ACOX2: variants seen among roughly 807,000 people sequenced by gnomAD.
ACOX2 encodes the protein peroxisomal acyl-coenzyme A oxidase 2.
In ACOX2, 59 loss-of-function variants were observed where a neutral mutation model predicts 77.5. That is an observed-to-expected ratio of 0.76 (90% CI 0.62 to 0.95). ACOX2 has a LOEUF of 0.95. Among genes scored for constraint, ACOX2 ranks in the 40% least tolerant of loss-of-function variants. ACOX2 has a pLI of 0.00. For synonymous variants in ACOX2, 317 were observed against 340.1 expected (o/e 0.93, Z 0.75); for missense variants, 837 against 880.4 (o/e 0.95, Z 0.62).
In ACOX2 at chr3:58,517,194, T is replaced by C; in HGVS notation, c.1850+12A>G. On this transcript the variant is annotated intron_variant, in intron 13 of 14. Coordinates refer to ENST00000302819, the MANE Select transcript of ACOX2 (RefSeq NM_003500.4). ...CTGAAGACTAACATGGTTTGAAGTC[T>C]CTGCCACTCACCGGATCAGGCGGAG... 1 of 1,612,864 alleles carries C rather than the reference T, an allele frequency of 6.2e-7. No homozygotes were observed. Among genetic ancestry groups the C allele is most frequent in the Non-Finnish European group, 8.5e-7 (1 of 1,179,530 alleles).
chr3:58,506,913 G>T (rs186726783), intron 14 of ACOX2, among the ~76,000 whole-genome samples: 11 of 152,252 alleles, frequency 7.2e-5, no homozygotes, highest in East Asian at 1.9e-4. Flanking sequence ...TAAGAGTAGG[G>T]TTAAAAAATT....
chr3:58,520,848 G>A (rs1486802472), intron 12 of ACOX2, among the ~76,000 whole-genome samples: 1 of 152,172 alleles, frequency 6.6e-6, no homozygotes, highest in Non-Finnish European at 1.5e-5. Flanking sequence ...GCTCACCTCA[G>A]TCACTCATCA....
At position 58,524,959 on chromosome 3, in the gene ACOX2, G is replaced by A. The variant is rs1387341161; in HGVS notation, c.1347-354C>T. Among the ~76,000 whole-genome samples, 5 of 152,178 alleles carry A rather than the reference G, an allele frequency of 3.3e-5. No individual in the cohort carries two copies. The highest frequency in any genetic ancestry group is 3.3e-4 in the Admixed American group (5 of 15,280). ...GGGTGGAAATTAAATTTTCTTAGCTGAAAAAAGAAGGATAGAGGCAAGAAT... is the reference window on the plus strand; with the variant it reads ...GGGTGGAAATTAAATTTTCTTAGCTAAAAAAAGAAGGATAGAGGCAAGAAT... On this transcript the variant is annotated intron_variant, in intron 10 of 14. Coordinates refer to ENST00000302819, the MANE Select transcript of ACOX2 (RefSeq NM_003500.4). This position sits in a 1 kb window ranked among gnomAD's most constrained non-coding sequence, Gnocchi z 5.5.
chr3:58,535,166 GTCTGCTC>G lies in ACOX2; in HGVS notation c.-67_-61del, dbSNP rs2063472785. On this transcript the variant is annotated 5_prime_UTR_variant, in exon 2 of 15. An upstream open reading frame in the 5' UTR loses its in-frame stop. Transcript: ENST00000302819. The surrounding 1 kb of genome is among the most constrained non-coding windows in gnomAD (Gnocchi z 4.8). ...CACTTCCAACCCGGCTGCTCCGAGG[GTCTGCTC>G]TCAGCATTGGTCAGTGCAAAGAACC... 1.9e-6 allele frequency: 3 copies of G among 1,606,342 alleles called. No individual in the cohort carries two copies. The highest frequency in any genetic ancestry group is 2.6e-6 in the Non-Finnish European group (3 of 1,173,708).
chr3:58,506,844 A>G (rs1447669614), intron 14 of ACOX2, among the ~76,000 whole-genome samples: 1 of 152,218 alleles, frequency 6.6e-6, no homozygotes, highest in Non-Finnish European at 1.5e-5. Context: ...GCCTTTTTCT[A>G]TTAGTGCAAA....
chr3:58,517,864 C>T (rs1368799633), intron 12 of ACOX2, among the ~76,000 whole-genome samples: 1 of 151,938 alleles, frequency 6.6e-6, no homozygotes, highest in Non-Finnish European at 1.5e-5. Flanking sequence ...CACCTGAGGT[C>T]AGGAGTTTGA....
In ACOX2 at chr3:58,522,397, A is replaced by G. The variant is rs575211946; in HGVS notation, c.1632+99T>C. 8.5e-5 allele frequency: 98 copies of G among 1,152,036 alleles called. 1 individual carries two copies. In the African/African-American group the frequency reaches 1.4e-3, roughly 17 times the overall value. 71.4% of individuals were successfully genotyped at this position (1,152,036 alleles called of 1,614,324 possible). On this transcript the variant is annotated intron_variant, in intron 12 of 14. Coordinates refer to ENST00000302819, the MANE Select transcript of ACOX2 (RefSeq NM_003500.4). The surrounding 1 kb of genome is among the most constrained non-coding windows in gnomAD (Gnocchi z 4.3). ...AAATGAGGGCAGCCGCCACTGAAGC[A>G]GAGTTGGGGAATAATGGCAGAGCCC...
At position 58,522,400 on chromosome 3, in the gene ACOX2, GT is replaced by G; in HGVS notation, c.1632+95del. On this transcript the variant is annotated intron_variant, in intron 12 of 14. Coordinates refer to ENST00000302819, the MANE Select transcript of ACOX2 (RefSeq NM_003500.4). The surrounding 1 kb of genome is among the most constrained non-coding windows in gnomAD (Gnocchi z 4.3). ...TGAGGGCAGCCGCCACTGAAGCAGA[GT>G]TGGGGAATAATGGCAGAGCCCGGAT... 8.3e-7 allele frequency: 1 copy of G among 1,206,274 alleles called. No homozygotes were observed. Among genetic ancestry groups the G allele is most frequent in the Middle Eastern group, 2.7e-4 (1 of 3,754 alleles). The allele number at this position is 1,206,274 out of a possible 1,614,324, so 74.7% of individuals were successfully genotyped here. A position where few individuals can be genotyped will look rare whatever the true frequency, so the allele number is the denominator to read the frequency against.
At position 58,534,070 on chromosome 3, in the gene ACOX2, C is replaced by G. The variant is rs775644671; in HGVS notation, c.399G>C (p.Glu133Asp). 1.2e-6 allele frequency: 2 copies of G among 1,614,190 alleles called. No individual in the cohort carries two copies. The highest frequency in any genetic ancestry group is 2.2e-5 in the South Asian group (2 of 91,078). ...VRALRSLGSE[E>D]QIAKWDPLCK... ...AGAGTGGGTCCCATTTGGCAATCTG[C>G]TCCTCTGAGCCCAGGCTCCTGAGGG... Residue 133 changes from glutamate to aspartate, a missense_variant, in exon 4 of 15, where the codon GAG (glutamate) becomes GAC (aspartate). Coordinates refer to ENST00000302819, the MANE Select transcript of ACOX2 (RefSeq NM_003500.4). This position sits in a 1 kb window ranked among gnomAD's most constrained non-coding sequence, Gnocchi z 4.8.
rs752030551 is a variant in ACOX2 at position 58,534,964 on chromosome 3, G to T, written c.143C>A (p.Ala48Glu). ...CCCCTTACCAACTTTCCTGCGGAGT[G>T]CAGTGTTCTGGGCACCTCCATCAAG... ...NILDGGAQNTALRRKVESIIH... is the reference protein window; with the variant it reads ...NILDGGAQNTELRRKVESIIH... The change falls in exon 2 of 15, where the codon GCA (alanine) becomes GAA (glutamate). Residue 48 changes from alanine (A) to glutamate (E), a missense_variant. Physicochemically the swap from Ala to Glu is moderately radical, Grantham distance 107 (BLOSUM62 -1). Transcript: ENST00000302819. The surrounding 1 kb of genome is among the most constrained non-coding windows in gnomAD (Gnocchi z 4.8). 3.3e-5 allele frequency: 54 copies of T among 1,614,106 alleles called. No homozygotes were observed. The Admixed American group carries it at 9.0e-4, about 27-fold the overall frequency.
Position 58,534,319 on chromosome 3 carries a change from G to C in ACOX2, c.323+41C>G. ...GCTAGGGGGTTTCCAGGTGATCCCA[G>C]GTAGATCCCTCTCTAGTGGGGCTGC... On this transcript the variant is annotated intron_variant, in intron 3 of 14. Coordinates refer to ENST00000302819, the MANE Select transcript of ACOX2 (RefSeq NM_003500.4). The surrounding 1 kb of genome is among the most constrained non-coding windows in gnomAD (Gnocchi z 4.8). 1 of 1,610,594 alleles carries C rather than the reference G, an allele frequency of 6.2e-7. No individual in the cohort carries two copies. The highest frequency in any genetic ancestry group is 8.5e-7 in the Non-Finnish European group (1 of 1,177,956).
At chr3:58,511,372 G>T in intron 13 of ACOX2, 1 of 330,860 alleles carries the variant, frequency 3.0e-6, no homozygotes, top group South Asian at 3.0e-5. Context: ...TACTCTGGAC[G>T]CAAAGCCATT....
In ACOX2 at chr3:58,535,690, T is replaced by C. The variant is rs907126536; in HGVS notation, c.-91-493A>G. Reference sequence around the variant, plus strand: ...TTCTAGGATCACTCAGCTCCATTTCTATGAGCCCTGCAGGTATATTGTGGA... The same window carrying C: ...TTCTAGGATCACTCAGCTCCATTTCCATGAGCCCTGCAGGTATATTGTGGA... On this transcript the variant is annotated intron_variant, in intron 1 of 14. Coordinates refer to ENST00000302819, the MANE Select transcript of ACOX2 (RefSeq NM_003500.4). This position sits in a 1 kb window ranked among gnomAD's most constrained non-coding sequence, Gnocchi z 4.8. Among the ~76,000 whole-genome samples the C allele has an allele frequency of 6.6e-6, 1 of 152,132 alleles. No homozygotes were observed. Among genetic ancestry groups the C allele is most frequent in the Non-Finnish European group, 1.5e-5 (1 of 68,010 alleles).
At position 58,531,375 on chromosome 3, in the gene ACOX2, A is replaced by T; in HGVS notation, c.704-9T>A. 1.2e-6 allele frequency: 2 copies of T among 1,610,764 alleles called. No individual in the cohort carries two copies. The highest frequency in any genetic ancestry group is 1.1e-5 in the South Asian group (1 of 90,982). ...GTCCCCAATGATGATTCCTTGAAGG[A>T]GATGGAGATGAGGACACCTATCAGT... On this transcript the variant is annotated splice_polypyrimidine_tract_variant and intron_variant, in intron 6 of 14. Coordinates refer to ENST00000302819, the MANE Select transcript of ACOX2 (RefSeq NM_003500.4). The surrounding 1 kb of genome is among the most constrained non-coding windows in gnomAD (Gnocchi z 5.8).
At chr3:58,518,840 A>G (rs1449396130) in intron 12 of ACOX2, among the ~76,000 whole-genome samples, 1 of 147,092 alleles carries the variant, frequency 6.8e-6, no homozygotes, top group African/African-American at 2.5e-5. Context: ...GGGTCTTGCT[A>G]TGTTGCCTAC....
rs753332672 is a variant in ACOX2 at position 58,526,533 on chromosome 3, C to T, written c.1279G>A (p.Val427Ile). ...YSKLSGLPSL[V>I]TKLSASCTYE... ...GTACAGGAGGCCGACAATTTGGTGA[C>T]CAGTGATGGCAGGCCACTCAGCTTT... is the stretch of plus-strand genomic sequence containing the variant. The change falls in exon 10 of 15, where the codon GTC becomes ATC. Residue 427 changes from valine to isoleucine, a missense_variant. Coordinates refer to ENST00000302819, the MANE Select transcript of ACOX2 (RefSeq NM_003500.4). This position sits in a 1 kb window ranked among gnomAD's most constrained non-coding sequence, Gnocchi z 4.3. 5 of 1,614,228 alleles carry T rather than the reference C, an allele frequency of 3.1e-6. No individual in the cohort carries two copies. Among genetic ancestry groups the T allele is most frequent in the Middle Eastern group, 1.6e-4 (1 of 6,062 alleles).
rs752461096 is a variant in ACOX2 at position 58,531,664 on chromosome 3, G to A, written c.703+29C>T. On this transcript the variant is annotated intron_variant, in intron 6 of 14. Coordinates refer to ENST00000302819, the MANE Select transcript of ACOX2 (RefSeq NM_003500.4). The surrounding 1 kb of genome is among the most constrained non-coding windows in gnomAD (Gnocchi z 5.8). ...GCCACCTGGGCTCTCCTCCTGGCAG[G>A]GTTCCTTGAGGGAGCATTATGGGCT... 1.2e-5 allele frequency: 20 copies of A among 1,609,106 alleles called. No individual in the cohort carries two copies. Among genetic ancestry groups the A allele is most frequent in the Non-Finnish European group, 1.7e-5 (20 of 1,177,406 alleles).
rs1173440579 is a variant in ACOX2, at chr3:58,514,868, A to G, written c.1850+2338T>C. Among the ~76,000 whole-genome samples the G allele has an allele frequency of 1.3e-5, 2 of 152,220 alleles. No homozygotes were observed. Among genetic ancestry groups the G allele is most frequent in the African/African-American group, 4.8e-5 (2 of 41,452 alleles). ...AGTGCTTTTAAATTCTGAGAGTTTC[A>G]AAAAGATGGACACCCTTGGGCTTGA... On this transcript the variant is annotated intron_variant, in intron 13 of 14. Transcript: ENST00000302819. The surrounding 1 kb of genome is among the most constrained non-coding windows in gnomAD (Gnocchi z 4.3).
In ACOX2 at chr3:58,525,516, C is replaced by T. The variant is rs2063387908; in HGVS notation, c.1347-911G>A. On this transcript the variant is annotated intron_variant, in intron 10 of 14. Transcript: ENST00000302819. The surrounding 1 kb of genome is among the most constrained non-coding windows in gnomAD (Gnocchi z 5.0). ...GAGCCTCTGTGTGCAGGCTCTGCAC[C>T]AAGCTTAGGCGATGCTAAAGCGAGC... Among the ~76,000 whole-genome samples the T allele has an allele frequency of 6.6e-6, 1 of 152,178 alleles. No individual in the cohort carries two copies.
Sources: allele counts gnomAD v4.1 joint callset (sites outside exome capture counted in the v4.1 genomes callset), GRCh38; gene constraint gnomAD v4.1.1; non-coding constraint Gnocchi (gnomAD v3.1); transcripts MANE v1.5; gene names NCBI Gene and HGNC (gene_info 2026-07-23, HGNC 2026-07-21).